Variants in ANO3 observed in about 807,000 individuals in gnomAD.
The protein encoded by ANO3 is anoctamin 3.
In ANO3, 99 loss-of-function variants were observed where a neutral mutation model predicts 144.8. The ratio of observed to expected loss-of-function variants is 0.68; its 90% CI spans 0.58 to 0.81. The LOEUF is 0.81. ANO3 is among the 30% of genes least tolerant of loss of function. The probability of loss-of-function intolerance (pLI) is 0.00; values close to 1 mark genes in which losing one functional copy is unlikely to be tolerated. For synonymous variants in ANO3, 414 were observed against 392.6 expected (o/e 1.05, Z -0.64); for missense variants, 905 against 1,202.2 (o/e 0.75, Z 3.66).
intron 4 of ANO3, among the ~76,000 whole-genome samples, chr11:26,466,661 A>T (rs904736359): frequency 2.6e-5 from 4 of 151,970 alleles, no homozygotes; most frequent in African/African-American, 9.7e-5. Flanking sequence ...ATCCAACAGC[A>T]AAGGCCAGGA....
At chr11:26,369,580 C>T (rs1004023425) in intron 1 of ANO3, among the ~76,000 whole-genome samples, 2 of 152,038 alleles carry the variant, frequency 1.3e-5, no homozygotes, top group African/African-American at 4.8e-5. Flanking sequence ...TTCTTCTTTA[C>T]CTTTATTCAA....
chr11:26,307,085 G>A (rs1854400971), upstream of ANO3, among the ~76,000 whole-genome samples: 1 of 152,152 alleles, frequency 6.6e-6, no homozygotes, highest in Non-Finnish European at 1.5e-5. Context: ...GCTGGGTATG[G>A]TGACTCATGC....
At chr11:26,502,701 G>A (rs557459287) in intron 4 of ANO3, among the ~76,000 whole-genome samples, 1 of 152,156 alleles carries the variant, frequency 6.6e-6, no homozygotes, top group South Asian at 2.1e-4. Context: ...GCAAAATAGA[G>A]CATTGTAATG....
intron 18 of ANO3, among the ~76,000 whole-genome samples, chr11:26,630,000 T>C (rs1019569374): frequency 2.0e-5 from 3 of 152,202 alleles, no homozygotes; most frequent in Non-Finnish European, 4.4e-5. Flanking sequence ...AGATTTTTAC[T>C]TGCGCTGTCC....
intron 1 of ANO3, among the ~76,000 whole-genome samples, chr11:26,437,697 C>T (rs1858344057): frequency 6.6e-6 from 1 of 152,180 alleles, no homozygotes; most frequent in South Asian, 2.1e-4. Context: ...CTTTCTCCAC[C>T]CCTTTAGTAG....
At chr11:26,426,132 G>A (rs1857913044) in intron 1 of ANO3, among the ~76,000 whole-genome samples, 1 of 152,070 alleles carries the variant, frequency 6.6e-6, no homozygotes. Context: ...GGTGCACTCA[G>A]TACTCGCAAA....
chr11:26,555,635 G>C (rs1325447913), intron 13 of ANO3, among the ~76,000 whole-genome samples: 2 of 152,128 alleles, frequency 1.3e-5, no homozygotes, highest in Non-Finnish European at 2.9e-5. Flanking sequence ...AAGAATACAA[G>C]AAATACAACC....
chr11:26,217,553 A>T (rs1852058771), intron 1 of ANO3, among the ~76,000 whole-genome samples: 1 of 152,060 alleles, frequency 6.6e-6, no homozygotes. Context: ...GACATGTTTT[A>T]CATAGCTTTT....
At chr11:26,428,074 G>A (rs1467589078) in intron 1 of ANO3, among the ~76,000 whole-genome samples, 1 of 152,062 alleles carries the variant, frequency 6.6e-6, no homozygotes, top group Non-Finnish European at 1.5e-5. Context: ...GTGGATCATA[G>A]ATATGAAAAA....
intron 1 of ANO3, among the ~76,000 whole-genome samples, chr11:26,399,736 C>G (rs957316958): frequency 6.6e-6 from 1 of 151,986 alleles, no homozygotes; most frequent in Non-Finnish European, 1.5e-5. Flanking sequence ...GCCCCTGCCC[C>G]CTTTCCTGCA....
intron 18 of ANO3, 40 bp from the exon 19 acceptor site, chr11:26,634,164 C>G: frequency 7.9e-7 from 1 of 1,271,054 alleles, no homozygotes; most frequent in Middle Eastern, 1.9e-4. Flanking sequence ...TGATATTCAC[C>G]TCACCTCACC....
chr11:26,329,295 T>TACAC (rs201501181), upstream of ANO3, among the ~76,000 whole-genome samples: 5,327 of 144,886 alleles, frequency 0.037, 300 homozygotes, highest in African/African-American at 0.13. Flanking sequence ...TTTCTTTCTT[T>TACAC]ACACACACAC....
chr11:26,189,196 A>T (rs1347393766), exon 1 of ANO3: 2 of 985,270 alleles, frequency 2.0e-6, no homozygotes, highest in Non-Finnish European at 2.4e-6. Context: ...TTAAAATTTG[A>T]ACTGGATAAT....
At chr11:26,524,475 T>C (rs1434907721) in intron 6 of ANO3, among the ~76,000 whole-genome samples, 4 of 152,180 alleles carry the variant, frequency 2.6e-5, no homozygotes, top group Non-Finnish European at 5.9e-5. Context: ...ATAACATACT[T>C]AGGGCTAAAT....
chr11:26,514,408 G>A (rs1209281020), intron 5 of ANO3, among the ~76,000 whole-genome samples: 8 of 152,036 alleles, frequency 5.3e-5, no homozygotes, highest in Non-Finnish European at 1.2e-4. Context: ...ACTTTATGAG[G>A]TGACCAATCT....
intron 7 of ANO3, among the ~76,000 whole-genome samples, chr11:26,529,992 G>T (rs925297402): frequency 6.6e-6 from 1 of 152,110 alleles, no homozygotes; most frequent in African/African-American, 2.4e-5. Context: ...CAATATGAGT[G>T]TCCCTTAGCA....
chr11:26,567,672 C>T (rs1456193236), intron 14 of ANO3, among the ~76,000 whole-genome samples: 1 of 151,874 alleles, frequency 6.6e-6, no homozygotes. Flanking sequence ...TCTTCCATGC[C>T]CTATGGTTAT....
At chr11:26,272,516 G>T (rs187335613) in intron 1 of ANO3, among the ~76,000 whole-genome samples, 1 of 152,256 alleles carries the variant, frequency 6.6e-6, no homozygotes, top group Admixed American at 6.5e-5. Context: ...TATGATTCCA[G>T]AAAGAAATGA....
intron 1 of ANO3, 120 bp downstream of exon 1, chr11:26,332,441 A>T: frequency 1.3e-6 from 1 of 760,622 alleles, no homozygotes; most frequent in Non-Finnish European, 2.0e-6. Context: ...AACTCTGTGA[A>T]GTTAAAAAAA....
Sources: allele counts gnomAD v4.1 joint callset (sites outside exome capture counted in the v4.1 genomes callset), GRCh38; gene constraint gnomAD v4.1.1; transcripts MANE v1.5; gene names NCBI Gene and HGNC (gene_info 2026-07-23, HGNC 2026-07-21).